Variants in TANC2 observed in about 807,000 individuals in gnomAD.
TANC2 encodes tetratricopeptide repeat, ankyrin repeat and coiled-coil containing 2, also known as protein TANC2.
A neutral mutation model predicts 210.5 loss-of-function variants in TANC2; 26 were observed. The observed-to-expected ratio is 0.12, with a 90% CI of 0.09 to 0.17. The LOEUF (loss-of-function observed/expected upper bound fraction) is 0.17. Among genes scored for constraint, TANC2 ranks in the 10% least tolerant of loss-of-function variants. The pLI, the probability that TANC2 is intolerant of heterozygous loss-of-function variation, is 1.00. For missense variants in TANC2, 2,129 were observed against 2,608.9 expected (o/e 0.82, Z 4.01); for synonymous variants, 931 against 967.1 (o/e 0.96, Z 0.69).
chr17:63,346,386 C>CT lies in TANC2; in HGVS notation c.1808-4862dup, dbSNP rs1378215027. Among the ~76,000 whole-genome samples, 4 of 152,298 alleles carry CT rather than the reference C, an allele frequency of 2.6e-5. No homozygotes were observed. In the East Asian group the frequency reaches 7.7e-4, roughly 29 times the overall value. ...GTTTCTGTGTGTGAGAGACAAAGCA[C>CT]TTGTATCTACGATACATGTAGAATG... is the stretch of plus-strand genomic sequence containing the variant. On this transcript the variant is annotated intron_variant, in intron 12 of 27. Transcript: ENST00000689528.
At position 63,412,230 on chromosome 17, in the gene TANC2, C is replaced by A; in HGVS notation, c.3898+100C>A. 2.0e-6 allele frequency: 3 copies of A among 1,506,076 alleles called. No homozygotes were observed. The highest frequency in any genetic ancestry group is 2.7e-6 in the Non-Finnish European group (3 of 1,106,402). The allele number at this position is 1,506,076 out of a possible 1,614,324, so 93.3% of individuals were successfully genotyped here. On this transcript the variant is annotated intron_variant, in intron 23 of 27. Transcript: ENST00000689528. The surrounding 1 kb of genome is among the most constrained non-coding windows in gnomAD (Gnocchi z 4.2). The stretch of plus-strand genomic sequence containing the variant: ...TATTTGGTGTGAGTGTATATAGTTC[C>A]CCCTCCTCCCTGGCCCAATTATTGT...
chr17:63,045,092 T>A (rs948854680), intron 2 of TANC2, among the ~76,000 whole-genome samples: 2 of 152,216 alleles, frequency 1.3e-5, no homozygotes, highest in African/African-American at 4.8e-5. Flanking sequence ...TGTTGCAACC[T>A]ATCAACATTA....
intron 8 of TANC2, among the ~76,000 whole-genome samples, chr17:63,239,882 G>C (rs1186544415): frequency 6.6e-6 from 1 of 152,124 alleles, no homozygotes; most frequent in Non-Finnish European, 1.5e-5. Context: ...GGCACAGGGG[G>C]AACAAGCACC....
In TANC2 at chr17:63,366,395, A is replaced by G. The variant is rs183040378; in HGVS notation, c.2582+11005A>G. On this transcript the variant is annotated intron_variant, in intron 14 of 27. Coordinates refer to ENST00000689528, the Ensembl canonical transcript of TANC2. The stretch of plus-strand genomic sequence containing the variant: ...ATAATTCAAGGCAGAGTGCTGTGCT[A>G]GAGGTATAAACAAAGAGCTGAGGGG... 1.9e-3 allele frequency among the ~76,000 whole-genome samples: 293 copies of G among 152,362 alleles called. 2 individuals are homozygous for G. Among genetic ancestry groups the G allele is most frequent in the Non-Finnish European group, 1.3e-3 (88 of 68,038 alleles).
At chr17:63,030,972 TGAG>T (rs1021394115) in intron 2 of TANC2, among the ~76,000 whole-genome samples, 5 of 152,082 alleles carry the variant, frequency 3.3e-5, no homozygotes, top group African/African-American at 4.8e-5. Context: ...TTTGCAGAAA[TGAG>T]GAGCTGTTGT....
In TANC2 at chr17:63,074,017, A is replaced by G. The variant is rs2036490693; in HGVS notation, c.139+3A>G. 2.6e-6 allele frequency: 4 copies of G among 1,566,720 alleles called. No homozygotes were observed. The highest frequency in any genetic ancestry group is 4.7e-5 in the East Asian group (2 of 42,390). ...TCGCCAAAGCCGCTCTGGGCAAGGT[A>G]AATTTTCATCAGATTGATTATTAAA... On this transcript the variant is annotated splice_donor_region_variant and intron_variant, in intron 3 of 27. Transcript: ENST00000689528.
chr17:63,297,866 C>G (rs1016233038), intron 9 of TANC2, among the ~76,000 whole-genome samples: 17 of 151,686 alleles, frequency 1.1e-4, no homozygotes, highest in Non-Finnish European at 4.4e-5. Context: ...AAGTCAACAA[C>G]AAAAAGACAA....
chr17:63,265,985 A>C (rs1004381709), intron 8 of TANC2, among the ~76,000 whole-genome samples: 24 of 152,178 alleles, frequency 1.6e-4, no homozygotes, highest in Admixed American at 9.2e-4. Flanking sequence ...CAGAAGAATC[A>C]TCTGTACCAT....
At chr17:63,152,391 C>T (rs914185214) in intron 5 of TANC2, 2 of 151,990 alleles carry the variant, frequency 1.3e-5, no homozygotes, top group Non-Finnish European at 2.9e-5. Context: ...TTGGGCCAAA[C>T]CTCATAAAAT....
Position 63,420,067 on chromosome 17 carries a change from A to G in TANC2, c.4337A>G (p.Gln1446Arg). ...CTGTGTCCCAACAACCGTGAGATCC[A>G]GAGACTTCTGCTGAGAGTGGAAGAA... Residue 1446 changes from glutamine (Q) to arginine (R), a missense_variant, in exon 28 of 28, where the codon CAG becomes CGG. Coordinates refer to ENST00000689528, the Ensembl canonical transcript of TANC2. The surrounding 1 kb of genome is among the most constrained non-coding windows in gnomAD (Gnocchi z 4.2). 1 of 1,552,298 alleles carries G rather than the reference A, an allele frequency of 6.4e-7. No homozygotes were observed. The highest frequency in any genetic ancestry group is 8.7e-7 in the Non-Finnish European group (1 of 1,147,132).
chr17:63,369,791 C>A (rs898787161), intron 14 of TANC2, among the ~76,000 whole-genome samples: 2 of 151,798 alleles, frequency 1.3e-5, no homozygotes, highest in Non-Finnish European at 2.9e-5. Flanking sequence ...TTAGTAGAGA[C>A]GGGGTTTTAT....
intron 2 of TANC2, among the ~76,000 whole-genome samples, chr17:63,022,386 A>G (rs1017104586): frequency 6.6e-6 from 1 of 152,112 alleles, no homozygotes; most frequent in Non-Finnish European, 1.5e-5. Flanking sequence ...GGTGGAAGAA[A>G]TCTAAGTAGC....
At chr17:63,283,763 T>G (rs2044136058) in intron 9 of TANC2, among the ~76,000 whole-genome samples, 1 of 152,006 alleles carries the variant, frequency 6.6e-6, no homozygotes, top group South Asian at 2.1e-4. Context: ...TGATATTGCT[T>G]TTAGCTTAAT....
chr17:62,982,899 T>C (rs2032374936), intron 1 of TANC2, among the ~76,000 whole-genome samples: 1 of 152,188 alleles, frequency 6.6e-6, no homozygotes, highest in African/African-American at 2.4e-5. Context: ...GTAGTGTGAT[T>C]TCTCCAACTT....
chr17:63,426,117 G>T (rs2049137073), exon 28 of TANC2: 1 of 152,302 alleles, frequency 6.6e-6, no homozygotes, highest in Non-Finnish European at 1.5e-5. Flanking sequence ...TCTGTTCCTG[G>T]GCTGCCCATT....
intron 7 of TANC2, among the ~76,000 whole-genome samples, chr17:63,231,935 C>T (rs965669968): frequency 2.0e-5 from 3 of 152,126 alleles, no homozygotes; most frequent in African/African-American, 7.2e-5. Context: ...CCCATAGTTC[C>T]TGGAGATTTT....
chr17:62,984,832 T>G (rs889533638), intron 1 of TANC2, among the ~76,000 whole-genome samples: 3 of 152,204 alleles, frequency 2.0e-5, no homozygotes, highest in Admixed American at 2.0e-4. Context: ...TTTGGTATGA[T>G]TTAAATTAAA....
chr17:63,197,457 TG>T (rs1598585761), intron 6 of TANC2, among the ~76,000 whole-genome samples: 2 of 152,166 alleles, frequency 1.3e-5, no homozygotes, highest in Non-Finnish European at 2.9e-5. Context: ...CATGTTAATT[TG>T]GTGACTTTTT....
chr17:63,068,551 C>G (rs1320914290), intron 2 of TANC2, among the ~76,000 whole-genome samples: 1 of 152,134 alleles, frequency 6.6e-6, no homozygotes, highest in Non-Finnish European at 1.5e-5. Flanking sequence ...TGGAGACTAT[C>G]TAAATCTTCA....
Sources: allele counts gnomAD v4.1 joint callset (sites outside exome capture counted in the v4.1 genomes callset), GRCh38; gene constraint gnomAD v4.1.1; non-coding constraint Gnocchi (gnomAD v3.1); transcripts MANE v1.5; gene names NCBI Gene and HGNC (gene_info 2026-07-23, HGNC 2026-07-21).